MAGI2: variants seen among roughly 807,000 people sequenced by gnomAD.
MAGI2 encodes the protein membrane-associated guanylate kinase, WW and PDZ domain-containing protein 2.
A neutral mutation model predicts 133.3 loss-of-function variants in MAGI2; 35 were observed. The ratio of observed to expected loss-of-function variants is 0.26; its 90% confidence interval spans 0.20 to 0.35. The LOEUF (loss-of-function observed/expected upper bound fraction) is 0.35, where lower values mean the gene tolerates loss of function less well. Among genes scored for constraint, MAGI2 ranks in the 10% least tolerant of loss-of-function variants. The pLI, the probability that MAGI2 is intolerant of heterozygous loss-of-function variation, is 1.00. For missense variants in MAGI2, 1,636 were observed against 1,863.4 expected (o/e 0.88, Z 2.25); for synonymous variants, 729 against 710.6 (o/e 1.03, Z -0.41).
chr7:78,853,159 A>T (rs928620735), intron 2 of MAGI2, among the ~76,000 whole-genome samples: 1 of 151,862 alleles, frequency 6.6e-6, no homozygotes, highest in South Asian at 2.1e-4. Context: ...GGCCAGGCAC[A>T]GTGGCTCATG....
intron 3 of MAGI2, among the ~76,000 whole-genome samples, chr7:78,614,031 AC>A (rs2150919896): frequency 6.6e-6 from 1 of 152,084 alleles, no homozygotes; most frequent in African/African-American, 2.4e-5. Context: ...AATCAATTGA[AC>A]CTGGGAGGCG....
At chr7:78,753,277 C>A (rs1306283222) in intron 2 of MAGI2, among the ~76,000 whole-genome samples, 1 of 151,386 alleles carries the variant, frequency 6.6e-6, no homozygotes, top group Non-Finnish European at 1.5e-5. Context: ...AAGAAAAATA[C>A]AAATGAAAAT....
intron 3 of MAGI2, among the ~76,000 whole-genome samples, chr7:78,577,629 A>G (rs1325456396): frequency 7.4e-6 from 1 of 134,282 alleles, no homozygotes; most frequent in East Asian, 2.4e-4. Context: ...GGGTAGGTAA[A>G]GGAAAAAGGG....
chr7:78,685,970 C>CT (rs1385424929), intron 2 of MAGI2, among the ~76,000 whole-genome samples: 2 of 70,382 alleles, frequency 2.8e-5, no homozygotes, highest in Admixed American at 1.6e-4. Flanking sequence ...TCTTTTTTTT[C>CT]TTTTCTTTTT....
intron 7 of MAGI2, chr7:78,348,570 G>T: frequency 6.6e-6 from 1 of 151,654 alleles, no homozygotes; most frequent in African/African-American, 2.4e-5. Context: ...TTCCACCTTG[G>T]GTTCTCAGAA....
At chr7:78,652,217 T>C (rs1451055620) in intron 2 of MAGI2, among the ~76,000 whole-genome samples, 1 of 152,174 alleles carries the variant, frequency 6.6e-6, no homozygotes, top group African/African-American at 2.4e-5. Context: ...AGATCTCCAG[T>C]CTCAAGTGAT....
chr7:78,509,949 T>G (rs1234560565), intron 4 of MAGI2, among the ~76,000 whole-genome samples: 1 of 152,182 alleles, frequency 6.6e-6, no homozygotes, highest in African/African-American at 2.4e-5. Context: ...TTTCCAAAAT[T>G]TATTTTACCC....
chr7:78,596,184 G>GAGGGAAGGAATGA (rs1804584278), intron 3 of MAGI2, among the ~76,000 whole-genome samples: 2 of 120,332 alleles, frequency 1.7e-5, no homozygotes, highest in Admixed American at 1.7e-4. Context: ...TGAAGGAAGG[G>GAGGGAAGGAATGA]AGGGAGGGAG....
At chr7:78,683,860 A>G (rs1256859264) in intron 2 of MAGI2, among the ~76,000 whole-genome samples, 1 of 152,190 alleles carries the variant, frequency 6.6e-6, no homozygotes, top group African/African-American at 2.4e-5. Context: ...GTAACTTGAA[A>G]AGTAACAAAC....
chr7:78,938,370 C>A (rs1313827612), intron 2 of MAGI2, among the ~76,000 whole-genome samples: 1 of 151,810 alleles, frequency 6.6e-6, no homozygotes, highest in Non-Finnish European at 1.5e-5. Context: ...AAAATAGTCA[C>A]CATATTGCGT....
At chr7:78,661,045 G>T (rs1496785) in intron 2 of MAGI2, among the ~76,000 whole-genome samples, 75,513 of 151,826 alleles carry the variant, frequency 0.5, 18,852 homozygotes, top group Admixed American at 0.54. Flanking sequence ...TCTACTTCTT[G>T]GTATCACTCA....
At chr7:79,157,846 A>G (rs1327493107) in intron 1 of MAGI2, among the ~76,000 whole-genome samples, 1 of 136,942 alleles carries the variant, frequency 7.3e-6, no homozygotes, top group Non-Finnish European at 1.5e-5. Context: ...TGTGTATCTA[A>G]CAAGTTTTTT....
At chr7:79,011,229 A>C (rs117163200) in intron 1 of MAGI2, among the ~76,000 whole-genome samples, 1 of 152,190 alleles carries the variant, frequency 6.6e-6, no homozygotes, top group Non-Finnish European at 1.5e-5. Flanking sequence ...GGTTTCCATC[A>C]TTTTCAGGAA....
Position 78,132,872 on chromosome 7 carries a change from G to T in MAGI2, c.3203+17C>A. ...CCTATCACCTCTCAGAATCACAAAA[G>T]TCAGAGGAAATTTTACCTATTTTCG... On this transcript the variant is annotated intron_variant, in intron 18 of 21. Coordinates refer to ENST00000354212, the MANE Select transcript of MAGI2 (RefSeq NM_012301.4). 2 of 1,613,970 alleles carry T rather than the reference G, an allele frequency of 1.2e-6. No homozygotes were observed. The highest frequency in any genetic ancestry group is 8.5e-7 in the Non-Finnish European group (1 of 1,179,946).
rs528292160 is a variant in MAGI2 at position 78,466,232 on chromosome 7, C to G, written c.1045+23529G>C. Among the ~76,000 whole-genome samples the G allele has an allele frequency of 6.6e-5, 10 of 152,314 alleles. No individual in the cohort carries two copies. In the South Asian group the frequency reaches 2.1e-3, roughly 32 times the overall value. ...TTCCGATCTGCTATTTGCTCAGCCC[C>G]TACTTTGTGCTCCCTTTCCACTCAG... On this transcript the variant is annotated intron_variant, in intron 6 of 21. Coordinates refer to ENST00000354212, the MANE Select transcript of MAGI2 (RefSeq NM_012301.4).
At chr7:79,258,932 C>T (rs375464886) in intron 1 of MAGI2, among the ~76,000 whole-genome samples, 3 of 152,250 alleles carry the variant, frequency 2.0e-5, no homozygotes, top group Non-Finnish European at 2.9e-5. Context: ...ATGCTCTTAA[C>T]GATTATGCAG....
chr7:78,127,128 C>T (rs1230876213), intron 19 of MAGI2, 69 bp downstream of exon 19: 3 of 1,238,260 alleles, frequency 2.4e-6, no homozygotes, highest in East Asian at 4.8e-5. Flanking sequence ...CTCTGCCTCT[C>T]CTATTTCATT....
chr7:78,053,431 C>T lies in MAGI2; in HGVS notation c.3706+25516G>A, dbSNP rs535606349. On this transcript the variant is annotated intron_variant, in intron 21 of 21. Transcript: ENST00000354212. Reference sequence around the variant, plus strand: ...GCCGTTCTCTGTCCCTCCTTCCCCTCTCCTTGTCAGATTGGCCCCAAGGGG... The same window carrying T: ...GCCGTTCTCTGTCCCTCCTTCCCCTTTCCTTGTCAGATTGGCCCCAAGGGG... Among the ~76,000 whole-genome samples the T allele has an allele frequency of 4.6e-5, 7 of 152,320 alleles. No homozygotes were observed. The East Asian group carries it at 1.4e-3, about 29-fold the overall frequency.
At chr7:78,340,867 A>G (rs1021731096) in intron 9 of MAGI2, among the ~76,000 whole-genome samples, 8 of 152,280 alleles carry the variant, frequency 5.3e-5, no homozygotes, top group South Asian at 4.1e-4. Flanking sequence ...ATGGGAAAAA[A>G]TGGGAAGCAT....
Sources: allele counts gnomAD v4.1 joint callset (sites outside exome capture counted in the v4.1 genomes callset), GRCh38; gene constraint gnomAD v4.1.1; transcripts MANE v1.5; gene names NCBI Gene and HGNC (gene_info 2026-07-23, HGNC 2026-07-21).